CACNA1C: variants seen among roughly 807,000 people sequenced by gnomAD.
CACNA1C encodes calcium voltage-gated channel subunit alpha1 C.
Under a neutral mutation model 229.0 loss-of-function variants are expected in CACNA1C, and 30 were observed. The ratio of observed to expected loss-of-function variants is 0.13; its 90% CI spans 0.10 to 0.18. The LOEUF (loss-of-function observed/expected upper bound fraction) is 0.18. Ranked by LOEUF, CACNA1C falls within the 10% of genes least tolerant of loss-of-function variation. CACNA1C has a pLI of 1.00. For synonymous variants in CACNA1C, 1,114 were observed against 1,132.5 expected (o/e 0.98, Z 0.33); for missense variants, 1,658 against 2,845.0 (o/e 0.58, Z 9.49).
At chr12:2,591,086 G>C (rs888305368) in intron 18 of CACNA1C, among the ~76,000 whole-genome samples, 3 of 152,164 alleles carry the variant, frequency 2.0e-5, no homozygotes, top group Non-Finnish European at 2.9e-5. Flanking sequence ...TGTCTTGCTG[G>C]TCAGCTCTAA....
chr12:2,657,384 G>T (rs531575164), intron 34 of CACNA1C, among the ~76,000 whole-genome samples: 164 of 152,104 alleles, frequency 1.1e-3, no homozygotes, highest in African/African-American at 3.7e-3. Context: ...TCTTGTTTGG[G>T]GATAAGAGTA....
intron 1 of CACNA1C, among the ~76,000 whole-genome samples, chr12:2,081,487 C>T (rs750890914): frequency 5.9e-5 from 9 of 151,840 alleles, no homozygotes; most frequent in Non-Finnish European, 1.3e-4. Flanking sequence ...AGGAGAATGG[C>T]GTGAACCCGG....
At chr12:2,263,040 A>C (rs1472641666) in intron 3 of CACNA1C, among the ~76,000 whole-genome samples, 1 of 152,210 alleles carries the variant, frequency 6.6e-6, no homozygotes, top group Admixed American at 6.5e-5. Flanking sequence ...GGATGAATGC[A>C]GGGATGGAGA....
At chr12:2,097,347 C>T (rs59417284) in intron 1 of CACNA1C, among the ~76,000 whole-genome samples, 33 of 149,946 alleles carry the variant, frequency 2.2e-4, no homozygotes, top group Middle Eastern at 3.4e-3. Context: ...GGGGTTTCAC[C>T]ATGTTAGCCA....
chr12:2,457,769 G>T, intron 5 of CACNA1C, 63 bp downstream of exon 5: 1 of 1,373,390 alleles, frequency 7.3e-7, no homozygotes, highest in South Asian at 1.8e-5. Context: ...GTCCTTTGCT[G>T]AATTGCCAAG....
At position 2,543,187 on chromosome 12, in the gene CACNA1C, G is replaced by A. The variant is rs1220505063; in HGVS notation, c.1391-6756G>A. On this transcript the variant is annotated intron_variant, in intron 9 of 46. Transcript: ENST00000399655. The stretch of plus-strand genomic sequence containing the variant: ...AATCGGAAAACAAGCTTCCTGTATA[G>A]CTTTCTTCCCCAGCATTCTCCTTCC... 2.0e-5 allele frequency among the ~76,000 whole-genome samples: 3 copies of A among 152,188 alleles called. No individual in the cohort carries two copies. In the East Asian group the frequency reaches 5.8e-4, roughly 29 times the overall value.
At chr12:2,589,405 A>G (rs996951878) in intron 18 of CACNA1C, among the ~76,000 whole-genome samples, 1 of 152,238 alleles carries the variant, frequency 6.6e-6, no homozygotes, top group African/African-American at 2.4e-5. Context: ...GATTCAAAAG[A>G]ACTAGACATG....
chr12:2,077,985 G>A (rs1160080380), intron 1 of CACNA1C, among the ~76,000 whole-genome samples: 2 of 152,212 alleles, frequency 1.3e-5, no homozygotes, highest in African/African-American at 4.8e-5. Context: ...TAAAGAAAAT[G>A]TGGTGTATAC....
chr12:2,304,230 G>A (rs1208455330), intron 3 of CACNA1C, among the ~76,000 whole-genome samples: 1 of 152,104 alleles, frequency 6.6e-6, no homozygotes, highest in Admixed American at 6.5e-5. Context: ...GCTGCCAGCC[G>A]GGCGTGTGTG....
chr12:2,118,745 C>T (rs1340304207), intron 2 of CACNA1C, among the ~76,000 whole-genome samples: 2 of 152,194 alleles, frequency 1.3e-5, no homozygotes, highest in East Asian at 1.9e-4. Flanking sequence ...GTGCCTCATC[C>T]AACACAAGGG....
At chr12:2,376,453 G>T (rs2098071514) in intron 3 of CACNA1C, among the ~76,000 whole-genome samples, 1 of 152,188 alleles carries the variant, frequency 6.6e-6, no homozygotes, top group Non-Finnish European at 1.5e-5. Context: ...TCCCCAGCAT[G>T]TGGCACAGAG....
intron 3 of CACNA1C, among the ~76,000 whole-genome samples, chr12:2,178,784 G>A (rs1034448327): frequency 6.6e-6 from 1 of 152,128 alleles, no homozygotes; most frequent in Admixed American, 6.5e-5. Context: ...AAGATAGGCT[G>A]GGCACAGTGG....
chr12:2,607,158 G>A (rs1377979340), intron 26 of CACNA1C, 28 bp downstream of exon 26: 4 of 1,595,390 alleles, frequency 2.5e-6, no homozygotes, highest in Admixed American at 1.7e-5. Context: ...GGCCCCACGA[G>A]CCCTGACATT....
chr12:2,587,162 CAG>C (rs2062844872), intron 18 of CACNA1C, among the ~76,000 whole-genome samples: 1 of 151,754 alleles, frequency 6.6e-6, no homozygotes, highest in Non-Finnish European at 1.5e-5. Flanking sequence ...TGTTTATGGC[CAG>C]AGTCTAAATG....
intron 3 of CACNA1C, among the ~76,000 whole-genome samples, chr12:2,286,711 C>CAATG (rs1163501822): frequency 6.6e-6 from 1 of 152,150 alleles, no homozygotes; most frequent in African/African-American, 2.4e-5. Context: ...AAACAAGAAA[C>CAATG]AATGACAGGA....
At chr12:2,046,917 T>A (rs2051168352) in intron 1 of CACNA1C, among the ~76,000 whole-genome samples, 1 of 152,188 alleles carries the variant, frequency 6.6e-6, no homozygotes, top group Non-Finnish European at 1.5e-5. Context: ...TTTTAAATAC[T>A]AACATAAGTT....
chr12:2,674,502 AG>A (rs2096709304), intron 38 of CACNA1C, 38 bp from the exon 39 acceptor site: 1 of 1,545,302 alleles, frequency 6.5e-7, no homozygotes, highest in Non-Finnish European at 8.8e-7. Context: ...AGCCCATCAG[AG>A]GCCCACCAAG....
chr12:2,597,917 C>T lies in CACNA1C; in HGVS notation c.2853+628C>T, dbSNP rs1009929207. On this transcript the variant is annotated intron_variant, in intron 21 of 46. Transcript: ENST00000399655. The surrounding 1 kb of genome is among the most constrained non-coding windows in gnomAD (Gnocchi z 4.3). ...CATACACTCTGAAAGTGGGAAACCT[C>T]CTGGGGCGTGAAAGAATCACTTGAG... is the stretch of plus-strand genomic sequence containing the variant. Among the ~76,000 whole-genome samples, 1 of 152,212 alleles carries T rather than the reference C, an allele frequency of 6.6e-6. No individual in the cohort carries two copies. Among genetic ancestry groups the T allele is most frequent in the Non-Finnish European group, 1.5e-5 (1 of 68,038 alleles).
chr12:2,238,956 T>TA (rs1566602705), intron 3 of CACNA1C, among the ~76,000 whole-genome samples: 1 of 152,206 alleles, frequency 6.6e-6, no homozygotes, highest in Non-Finnish European at 1.5e-5. Flanking sequence ...CCCTAAGCCT[T>TA]AGTTTCCTTA....
Sources: allele counts gnomAD v4.1 joint callset (sites outside exome capture counted in the v4.1 genomes callset), GRCh38; gene constraint gnomAD v4.1.1; non-coding constraint Gnocchi (gnomAD v3.1); transcripts MANE v1.5; gene names NCBI Gene and HGNC (gene_info 2026-07-23, HGNC 2026-07-21).